The following MAFB variants were observed in gnomAD, a reference collection of about 807,000 sequenced individuals.
MAFB encodes the protein transcription factor MafB.
A neutral mutation model predicts 17.7 loss-of-function variants in MAFB; 3 were observed. That is an observed-to-expected ratio of 0.17 (90% CI 0.08 to 0.44). The LOEUF is 0.44. Among genes scored for constraint, MAFB ranks in the 20% least tolerant of loss-of-function variants. MAFB has a pLI of 0.99. For synonymous variants in MAFB, 214 were observed against 211.5 expected (o/e 1.01, Z -0.10); for missense variants, 355 against 461.3 (o/e 0.77, Z 2.11).
chr20:40,688,261 G>C lies in MAFB; in HGVS notation c.590C>G (p.Ser197Trp). The C allele has an allele frequency of 2.6e-6, 4 of 1,549,372 alleles. No individual in the cohort carries two copies. Among genetic ancestry groups the C allele is most frequent in the Non-Finnish European group, 3.5e-6 (4 of 1,154,060 alleles). ...GCCGTTGCCGCCCGCCGCCGTCGCCGAGGCCGTCGCGTGCGGCCCGGGCCC... is the reference window on the plus strand; with the variant it reads ...GCCGTTGCCGCCCGCCGCCGTCGCCCAGGCCGTCGCGTGCGGCCCGGGCCC... ...HPGPGPHATA[S>W]ATAAGGNGSV... Residue 197 changes from serine (S) to tryptophan (W), a missense_variant, in exon 1 of 1, where the codon TCG (serine) becomes TGG (tryptophan). Physicochemically the swap from Ser to Trp is radical, Grantham distance 177. Transcript: ENST00000373313.
In MAFB at chr20:40,688,830, C is replaced by G; in HGVS notation, c.21G>C (p.Met7Ile). MAAELS[M>I]GPELPTSPLA... ...GCGGGCTGGTGGGCAGCTCTGGCCC[C>G]ATGCTCAGCTCCGCGGCCATCGCTG... The change falls in exon 1 of 1, where the codon ATG becomes ATC. Residue 7 changes from methionine to isoleucine, a missense_variant. Physicochemically the swap from Met to Ile is conservative, Grantham distance 10 (BLOSUM62 1). Transcript: ENST00000373313. 6.2e-7 allele frequency: 1 copy of G among 1,612,080 alleles called. No individual in the cohort carries two copies. The highest frequency in any genetic ancestry group is 8.5e-7 in the Non-Finnish European group (1 of 1,179,460).
rs766501828 is a variant in MAFB, at chr20:40,686,708, T to C, written c.*1171A>G. The C allele has an allele frequency of 5.0e-5, 20 of 398,504 alleles. No individual in the cohort carries two copies. The highest frequency in any genetic ancestry group is 3.6e-5 in the East Asian group (1 of 28,088). The allele number at this position is 398,504 out of a possible 1,614,324, so 24.7% of individuals were successfully genotyped here. A position where few individuals can be genotyped will look rare whatever the true frequency, so the allele number is the denominator to read the frequency against. On this transcript the variant is annotated 3_prime_UTR_variant, in exon 1 of 1. Transcript: ENST00000373313. ...CTTATTAAGGGTATCAATTTGACCA[T>C]AAGACAAGGCTGTAGTCCAGAACAC...
chr20:40,689,215 CGCA>C lies in MAFB; in HGVS notation c.-368_-366del. 1 of 288,470 alleles carries C rather than the reference CGCA, an allele frequency of 3.5e-6. No individual in the cohort carries two copies. The highest frequency in any genetic ancestry group is 6.5e-6 in the Non-Finnish European group (1 of 153,188). 17.9% of individuals were successfully genotyped at this position (288,470 alleles called of 1,614,324 possible). ...TTACGCTCTCTCGCTCGCAGCCGCT[CGCA>C]GCTCGGCGGTGCAGCTGTGCTGGAT... On this transcript the variant is annotated 5_prime_UTR_variant, in exon 1 of 1. Coordinates refer to ENST00000373313, the MANE Select transcript of MAFB (RefSeq NM_005461.5).
In MAFB at chr20:40,686,493, T is replaced by G. The variant is rs1390869183; in HGVS notation, c.*1386A>C. 2.6e-6 allele frequency: 1 copy of G among 391,280 alleles called. No individual in the cohort carries two copies. Among genetic ancestry groups the G allele is most frequent in the Non-Finnish European group, 4.5e-6 (1 of 222,076 alleles). The allele number at this position is 391,280 out of a possible 1,614,324, so 24.2% of individuals were successfully genotyped here. ...TTGGGTTTCTGGTACATTCTGAGCATAGCAGTTGGTTCAGTGCAGTGTCTG... is the reference window on the plus strand; with the variant it reads ...TTGGGTTTCTGGTACATTCTGAGCAGAGCAGTTGGTTCAGTGCAGTGTCTG... On this transcript the variant is annotated 3_prime_UTR_variant, in exon 1 of 1. Coordinates refer to ENST00000373313, the MANE Select transcript of MAFB (RefSeq NM_005461.5).
Position 40,687,779 on chromosome 20 carries a change from G to T in MAFB, c.*100C>A. The T allele has an allele frequency of 7.2e-7, 1 of 1,396,476 alleles. No individual in the cohort carries two copies. The highest frequency in any genetic ancestry group is 9.6e-7 in the Non-Finnish European group (1 of 1,039,538). The allele number at this position is 1,396,476 out of a possible 1,614,324, so 86.5% of individuals were successfully genotyped here. A position where few individuals can be genotyped will look rare whatever the true frequency, so the allele number is the denominator to read the frequency against. On this transcript the variant is annotated 3_prime_UTR_variant, in exon 1 of 1. Coordinates refer to ENST00000373313, the MANE Select transcript of MAFB (RefSeq NM_005461.5). ...CGCTCAAGTCAAACAGGTCAAGGCT[G>T]GGGCCGCGGCAGGGACAGGGTCCGG...
Position 40,686,120 on chromosome 20 carries a change from C to T in MAFB, c.*1759G>A. Reference sequence around the variant, plus strand: ...TATCCACAATATTTAAAACTGCAAGCACCATGCGGTTCATACAATCTTGTT... The same window carrying T: ...TATCCACAATATTTAAAACTGCAAGTACCATGCGGTTCATACAATCTTGTT... On this transcript the variant is annotated 3_prime_UTR_variant, in exon 1 of 1. Transcript: ENST00000373313. 1 of 201,064 alleles carries T rather than the reference C, an allele frequency of 5.0e-6. No homozygotes were observed. Among genetic ancestry groups the T allele is most frequent in the Non-Finnish European group, 1.0e-5 (1 of 97,394 alleles). 12.5% of individuals were successfully genotyped at this position (201,064 alleles called of 1,614,324 possible).
chr20:40,686,127 C>T lies in MAFB; in HGVS notation c.*1752G>A, dbSNP rs1986823238. The T allele has an allele frequency of 1.0e-5, 2 of 200,938 alleles. No homozygotes were observed. Among genetic ancestry groups the T allele is most frequent in the Non-Finnish European group, 2.1e-5 (2 of 97,506 alleles). 12.4% of individuals were successfully genotyped at this position (200,938 alleles called of 1,614,324 possible). On this transcript the variant is annotated 3_prime_UTR_variant, in exon 1 of 1. Coordinates refer to ENST00000373313, the MANE Select transcript of MAFB (RefSeq NM_005461.5). ...AATATTTAAAACTGCAAGCACCATGCGGTTCATACAATCTTGTTATTACTG... is the reference window on the plus strand; with the variant it reads ...AATATTTAAAACTGCAAGCACCATGTGGTTCATACAATCTTGTTATTACTG...
rs1986859390 is a variant in MAFB at position 40,687,609 on chromosome 20, G to C, written c.*270C>G. The C allele has an allele frequency of 3.5e-6, 2 of 571,176 alleles. No individual in the cohort carries two copies. Among genetic ancestry groups the C allele is most frequent in the Non-Finnish European group, 6.2e-6 (2 of 321,842 alleles). The allele number at this position is 571,176 out of a possible 1,614,324, so 35.4% of individuals were successfully genotyped here. ...TCAGCCTGGAGAGAAGTTACTCCGG[G>C]ACCTCCCACCCTCTCGTCTCTCTCT... On this transcript the variant is annotated 3_prime_UTR_variant, in exon 1 of 1. Transcript: ENST00000373313.
rs1355620236 is a variant in MAFB, at chr20:40,686,597, G to A, written c.*1282C>T. 11 of 397,622 alleles carry A rather than the reference G, an allele frequency of 2.8e-5. No homozygotes were observed. The East Asian group carries it at 3.9e-4, about 14-fold the overall frequency. 24.6% of individuals were successfully genotyped at this position (397,622 alleles called of 1,614,324 possible). On this transcript the variant is annotated 3_prime_UTR_variant, in exon 1 of 1. Transcript: ENST00000373313. ...GCTGTGGCTCCTACAATTAGCGCAG[G>A]CCCAGAGGGTTCAGAAGGGACCTCA...
At position 40,686,357 on chromosome 20, in the gene MAFB, A is replaced by AG. The variant is rs1344478282; in HGVS notation, c.*1521dup. ...AACTACTATACAACTGAAGAATTGA[A>AG]GGGGGGGGACACCACCAAGAACTCT... On this transcript the variant is annotated 3_prime_UTR_variant, in exon 1 of 1. Transcript: ENST00000373313. The AG allele has an allele frequency of 6.8e-4, 176 of 259,896 alleles. 1 individual carries two copies. The highest frequency in any genetic ancestry group is 2.2e-3 in the African/African-American group (101 of 46,262). 16.1% of individuals were successfully genotyped at this position (259,896 alleles called of 1,614,324 possible). A position where few individuals can be genotyped will look rare whatever the true frequency, so the allele number is the denominator to read the frequency against.
At position 40,686,086 on chromosome 20, in the gene MAFB, C is replaced by T. The variant is rs1480035219; in HGVS notation, c.*1793G>A. The T allele has an allele frequency of 2.0e-5, 4 of 197,178 alleles. No homozygotes were observed. Among genetic ancestry groups the T allele is most frequent in the Non-Finnish European group, 4.2e-5 (4 of 95,004 alleles). The allele number at this position is 197,178 out of a possible 1,614,324, so 12.2% of individuals were successfully genotyped here. ...TAAAAACCAAAGCTCGTTTCTGATG[C>T]AGGACAAATATCCACAATATTTAAA... is the stretch of plus-strand genomic sequence containing the variant. On this transcript the variant is annotated 3_prime_UTR_variant, in exon 1 of 1. Transcript: ENST00000373313.
Position 40,686,172 on chromosome 20 carries a change from A to G in MAFB, c.*1707T>C, listed in dbSNP as rs1479253407. On this transcript the variant is annotated 3_prime_UTR_variant, in exon 1 of 1. Coordinates refer to ENST00000373313, the MANE Select transcript of MAFB (RefSeq NM_005461.5). ...TTACTGTTAATTTATCAACTAATAC[A>G]AACTCAAAAATGCATCCGGCCAGCA... 9.7e-6 allele frequency: 2 copies of G among 205,922 alleles called. No individual in the cohort carries two copies. Among genetic ancestry groups the G allele is most frequent in the Non-Finnish European group, 2.0e-5 (2 of 100,564 alleles). The allele number at this position is 205,922 out of a possible 1,614,324, so 12.8% of individuals were successfully genotyped here.
At position 40,688,389 on chromosome 20, in the gene MAFB, C is replaced by A; in HGVS notation, c.462G>T (p.Glu154Asp). The A allele has an allele frequency of 6.4e-7, 1 of 1,564,772 alleles. No individual in the cohort carries two copies. The highest frequency in any genetic ancestry group is 8.6e-7 in the Non-Finnish European group (1 of 1,161,728). Reference protein sequence around the residue: ...AYPGAGVAHDELGPHAHPHHH... With the variant: ...AYPGAGVAHDDLGPHAHPHHH... ...GGTGCGGGTGAGCGTGCGGGCCCAGCTCGTCGTGGGCCACGCCGGCGCCCG... is the reference window on the plus strand; with the variant it reads ...GGTGCGGGTGAGCGTGCGGGCCCAGATCGTCGTGGGCCACGCCGGCGCCCG... The change falls in exon 1 of 1, where the codon GAG becomes GAT. Residue 154 changes from glutamate to aspartate, a missense_variant. By Grantham distance (45) the Glu-to-Asp change is conservative (BLOSUM62 2). Transcript: ENST00000373313.
rs887962611 is a variant in MAFB, at chr20:40,689,033, C to T, written c.-183G>A. Reference sequence around the variant, plus strand: ...GACGCGGCGGCGCGCCGGAGAGTCCCGAGGCTGCCTGCACCGCCCCAGAGC... The same window carrying T: ...GACGCGGCGGCGCGCCGGAGAGTCCTGAGGCTGCCTGCACCGCCCCAGAGC... On this transcript the variant is annotated 5_prime_UTR_variant, in exon 1 of 1. Transcript: ENST00000373313. The T allele has an allele frequency of 1.1e-5, 9 of 805,054 alleles. No individual in the cohort carries two copies. The African/African-American group carries it at 1.3e-4, about 12-fold the overall frequency. 49.9% of individuals were successfully genotyped at this position (805,054 alleles called of 1,614,324 possible).
At position 40,687,625 on chromosome 20, in the gene MAFB, G is replaced by A; in HGVS notation, c.*254C>T. 1 of 580,764 alleles carries A rather than the reference G, an allele frequency of 1.7e-6. No homozygotes were observed. The highest frequency in any genetic ancestry group is 2.2e-5 in the South Asian group (1 of 44,822). 36.0% of individuals were successfully genotyped at this position (580,764 alleles called of 1,614,324 possible). A position where few individuals can be genotyped will look rare whatever the true frequency, so the allele number is the denominator to read the frequency against. ...TTACTCCGGGACCTCCCACCCTCTCGTCTCTCTCTCCGGCTCTGCTCGAGT... is the reference window on the plus strand; with the variant it reads ...TTACTCCGGGACCTCCCACCCTCTCATCTCTCTCTCCGGCTCTGCTCGAGT... On this transcript the variant is annotated 3_prime_UTR_variant, in exon 1 of 1. Transcript: ENST00000373313.
chr20:40,689,195 C>A lies in MAFB; in HGVS notation c.-345G>T. ...GCTCTCTAGCTCTCTTGCTCTTACG[C>A]TCTCTCGCTCGCAGCCGCTCGCAGC... On this transcript the variant is annotated 5_prime_UTR_variant, in exon 1 of 1. Coordinates refer to ENST00000373313, the MANE Select transcript of MAFB (RefSeq NM_005461.5). The A allele has an allele frequency of 3.1e-6, 1 of 320,938 alleles. No individual in the cohort carries two copies. The highest frequency in any genetic ancestry group is 5.8e-6 in the Non-Finnish European group (1 of 173,322). The allele number at this position is 320,938 out of a possible 1,614,324, so 19.9% of individuals were successfully genotyped here.
In MAFB at chr20:40,687,672, CG is replaced by C; in HGVS notation, c.*206del. 1 of 623,648 alleles carries C rather than the reference CG, an allele frequency of 1.6e-6. No homozygotes were observed. The allele number at this position is 623,648 out of a possible 1,614,324, so 38.6% of individuals were successfully genotyped here. A position where few individuals can be genotyped will look rare whatever the true frequency, so the allele number is the denominator to read the frequency against. ...GAGTCTAGGAGGCGGCGCTGGCGTG[CG>C]CTACTCTCGCCTTAGCCAAGGTCCC... is the stretch of plus-strand genomic sequence containing the variant. On this transcript the variant is annotated 3_prime_UTR_variant, in exon 1 of 1. Coordinates refer to ENST00000373313, the MANE Select transcript of MAFB (RefSeq NM_005461.5).
chr20:40,687,894 G>C lies in MAFB; in HGVS notation c.957C>G (p.Pro319=). The C allele has an allele frequency of 6.2e-7, 1 of 1,611,170 alleles. No individual in the cohort carries two copies. Among genetic ancestry groups the C allele is most frequent in the Non-Finnish European group, 8.5e-7 (1 of 1,179,990 alleles). The change falls in exon 1 of 1, where the codon CCC becomes CCG. Residue 319 remains proline (P), a synonymous_variant. Coordinates refer to ENST00000373313, the MANE Select transcript of MAFB (RefSeq NM_005461.5). ...AGSTSDSPSS[P]EFFL ...CGGCCACGACTCACAGAAAGAACTC[G>C]GGAGAGGAGGGGCTGTCGCTGGTGG... is the stretch of plus-strand genomic sequence containing the variant.
Position 40,688,905 on chromosome 20 carries a change from G to C in MAFB, c.-55C>G. 1 of 1,527,606 alleles carries C rather than the reference G, an allele frequency of 6.5e-7. No homozygotes were observed. Among genetic ancestry groups the C allele is most frequent in the African/African-American group, 1.4e-5 (1 of 71,180 alleles). 94.6% of individuals were successfully genotyped at this position (1,527,606 alleles called of 1,614,324 possible). A position where few individuals can be genotyped will look rare whatever the true frequency, so the allele number is the denominator to read the frequency against. ...GCCCGGGAAACTTTGCGGCCGGCCGGAGCGCGCCGAGCCAAGCGCGGGGGG... is the reference window on the plus strand; with the variant it reads ...GCCCGGGAAACTTTGCGGCCGGCCGCAGCGCGCCGAGCCAAGCGCGGGGGG... On this transcript the variant is annotated 5_prime_UTR_variant, in exon 1 of 1. Transcript: ENST00000373313.
Sources: allele counts gnomAD v4.1 joint callset, GRCh38; gene constraint gnomAD v4.1.1; transcripts MANE v1.5; gene names NCBI Gene and HGNC (gene_info 2026-07-23, HGNC 2026-07-21).